MROH9: variants seen among roughly 807,000 people sequenced by gnomAD.
MROH9 encodes the protein maestro heat-like repeat-containing protein family member 9.
A neutral mutation model predicts 98.2 loss-of-function variants in MROH9; 92 were observed. The observed-to-expected ratio is 0.94, with a 90% confidence interval of 0.79 to 1.11. The LOEUF (loss-of-function observed/expected upper bound fraction) is 1.11. Ranked by LOEUF, MROH9 falls within the 50% of genes most tolerant of loss-of-function variation. MROH9 has a pLI of 0.00. For missense variants in MROH9, 1,057 were observed against 1,014.8 expected (o/e 1.04, Z -0.57); for synonymous variants, 397 against 368.9 (o/e 1.08, Z -0.87).
intron 7 of MROH9, 102 bp from the exon 8 acceptor site, chr1:170,971,646 T>A: frequency 7.5e-7 from 1 of 1,333,998 alleles, no homozygotes; most frequent in Non-Finnish European, 1.0e-6. Flanking sequence ...CTGAAGCTTA[T>A]CTTAGAATCC....
chr1:170,979,386 A>T (rs1650840698), intron 8 of MROH9, among the ~76,000 whole-genome samples: 1 of 152,196 alleles, frequency 6.6e-6, no homozygotes, highest in East Asian at 1.9e-4. Flanking sequence ...ATATATAGTC[A>T]GTTGATTTTT....
intron 15 of MROH9, among the ~76,000 whole-genome samples, chr1:171,012,601 C>T (rs1652193067): frequency 6.7e-6 from 1 of 148,646 alleles, no homozygotes; most frequent in African/African-American, 2.5e-5. Flanking sequence ...CTCCCGGGTT[C>T]ACTCCATTCT....
At chr1:171,015,458 T>C (rs747071611) in intron 16 of MROH9, among the ~76,000 whole-genome samples, 1 of 152,230 alleles carries the variant, frequency 6.6e-6, no homozygotes, top group Admixed American at 6.5e-5. Context: ...ACATAGTCCT[T>C]AGCTCTATTT....
chr1:170,975,710 A>G (rs530940484), intron 8 of MROH9, among the ~76,000 whole-genome samples: 2 of 152,234 alleles, frequency 1.3e-5, no homozygotes, highest in Non-Finnish European at 1.5e-5. Context: ...TAATACTGCC[A>G]GTGGGATGTT....
rs1651528930 is a variant in MROH9 at position 170,995,409 on chromosome 1, C to T, written c.1215C>T (p.Thr405=). ...MPLAACQALC[T]FLPLGSYRKA... is the part of the protein sequence containing the mutation. Reference sequence around the variant, plus strand: ...TATAGGCATGCCAGGCCCTGTGCACCTTTCTGCCTCTTGGTTCCTACAGGA... The same window carrying T: ...TATAGGCATGCCAGGCCCTGTGCACTTTTCTGCCTCTTGGTTCCTACAGGA... The change falls in exon 13 of 22, where the codon ACC becomes ACT. Residue 405 remains threonine, a synonymous_variant. Coordinates refer to ENST00000367759, the MANE Select transcript of MROH9 (RefSeq NM_001163629.2). The T allele has an allele frequency of 1.2e-6, 2 of 1,613,230 alleles. No individual in the cohort carries two copies. The highest frequency in any genetic ancestry group is 2.2e-5 in the East Asian group (1 of 44,872).
At chr1:171,053,328 C>T (rs1461615016) in intron 20 of MROH9, among the ~76,000 whole-genome samples, 1 of 152,208 alleles carries the variant, frequency 6.6e-6, no homozygotes, top group Non-Finnish European at 1.5e-5. Context: ...GTCCCAAATA[C>T]TCCCAGGCTT....
At position 170,990,012 on chromosome 1, in the gene MROH9, C is replaced by T. The variant is rs763561147; in HGVS notation, c.1028+9C>T. The stretch of plus-strand genomic sequence containing the variant: ...CCAGTTCCAGCAGACGAGTAAGGCC[C>T]CCCAACCCTCTGTCCCTTCCACAAG... On this transcript the variant is annotated intron_variant, in intron 11 of 21. Transcript: ENST00000367759. 6.2e-6 allele frequency: 10 copies of T among 1,606,772 alleles called. No individual in the cohort carries two copies. Among genetic ancestry groups the T allele is most frequent in the South Asian group, 4.4e-5 (4 of 90,284 alleles).
intron 20 of MROH9, among the ~76,000 whole-genome samples, chr1:171,061,611 G>T (rs888184043): frequency 1.6e-4 from 24 of 152,076 alleles, no homozygotes; most frequent in African/African-American, 5.6e-4. Context: ...ACTCTGCTGT[G>T]GTATGATGAA....
chr1:170,996,165 A>C (rs1370499594), intron 13 of MROH9, among the ~76,000 whole-genome samples: 3 of 152,174 alleles, frequency 2.0e-5, no homozygotes, highest in African/African-American at 7.2e-5. Context: ...ATAAGAATAT[A>C]TCCTATTCAT....
chr1:171,011,031 G>A (rs963417064), intron 15 of MROH9, among the ~76,000 whole-genome samples: 4 of 152,162 alleles, frequency 2.6e-5, no homozygotes, highest in African/African-American at 9.7e-5. Context: ...CCTACATCCT[G>A]AATGGTGTTG....
intron 12 of MROH9, 113 bp from the exon 13 acceptor site, chr1:170,995,276 T>C: frequency 8.6e-7 from 1 of 1,159,530 alleles, no homozygotes; most frequent in East Asian, 2.4e-5. Context: ...TAGGTTTTCT[T>C]CAAGGAGGCT....
chr1:171,033,293 G>A (rs1652986613), intron 20 of MROH9, among the ~76,000 whole-genome samples: 1 of 152,250 alleles, frequency 6.6e-6, no homozygotes, highest in Admixed American at 6.5e-5. Flanking sequence ...GGCGCTGGTC[G>A]CCCTTCACCC....
chr1:170,971,976 A>G, intron 8 of MROH9, 93 bp downstream of exon 8: 1 of 1,326,162 alleles, frequency 7.5e-7, no homozygotes, highest in Non-Finnish European at 1.0e-6. Flanking sequence ...ACGTCTGTTA[A>G]TTTCTAAATC....
At chr1:170,955,592 A>C (rs550641471) in intron 3 of MROH9, among the ~76,000 whole-genome samples, 1 of 152,142 alleles carries the variant, frequency 6.6e-6, no homozygotes, top group African/African-American at 2.4e-5. Flanking sequence ...ATTTTTTCAT[A>C]TGTTTGTTGG....
chr1:171,025,962 T>C (rs1652696350), intron 20 of MROH9, among the ~76,000 whole-genome samples: 1 of 152,204 alleles, frequency 6.6e-6, no homozygotes, highest in Non-Finnish European at 1.5e-5. Context: ...AATTAATTAT[T>C]CTTTATTTTG....
chr1:171,024,806 A>G (rs1319858814), intron 19 of MROH9, 41 bp downstream of exon 19: 2 of 1,190,928 alleles, frequency 1.7e-6, no homozygotes, highest in Non-Finnish European at 2.4e-6. Flanking sequence ...AGAGTTGTAG[A>G]CAAAACTTAC....
rs1652674178 is a variant in MROH9, at chr1:171,025,389, A to T, written c.2250A>T (p.Thr750=). 6.5e-7 allele frequency: 1 copy of T among 1,549,332 alleles called. No homozygotes were observed. The highest frequency in any genetic ancestry group is 8.7e-7 in the Non-Finnish European group (1 of 1,145,056). Residue 750 remains threonine, a synonymous_variant, in exon 20 of 22, where the codon ACA becomes ACT. Transcript: ENST00000367759. The stretch of plus-strand genomic sequence containing the variant: ...TACGATTCCTGTGGAGCCCCAGAAC[A>T]TATCTTAAGAGGGCATCGGTTATTT... ...DTLRFLWSPR[T]YLKRASVILI... is the part of the protein sequence containing the mutation.
chr1:171,038,384 A>G (rs1435909527), intron 20 of MROH9, among the ~76,000 whole-genome samples: 1 of 152,192 alleles, frequency 6.6e-6, no homozygotes, highest in Non-Finnish European at 1.5e-5. Context: ...GAAGTGAGCA[A>G]TCACTTACAT....
chr1:171,014,465 T>G (rs1416081150), intron 16 of MROH9, among the ~76,000 whole-genome samples: 1 of 152,114 alleles, frequency 6.6e-6, no homozygotes, highest in Non-Finnish European at 1.5e-5. Context: ...CCTTACTTTT[T>G]TTTTTTTTTT....
Sources: gnomAD v4.1 joint callset for allele counts (sites outside exome capture counted in the v4.1 genomes callset) on GRCh38, gnomAD v4.1.1 for gene constraint, MANE v1.5 for transcripts, NCBI Gene and HGNC (gene_info 2026-07-23, HGNC 2026-07-21) for gene names.